Variants in PDE4B observed in about 807,000 individuals in gnomAD.
PDE4B encodes phosphodiesterase 4B, also known as 3',5'-cyclic-AMP phosphodiesterase 4B.
Under a neutral mutation model 82.2 loss-of-function variants are expected in PDE4B, and 20 were observed. The ratio of observed to expected loss-of-function variants is 0.24; its 90% CI spans 0.17 to 0.35. PDE4B has a LOEUF of 0.35. Ranked by LOEUF, PDE4B falls within the 10% of genes least tolerant of loss-of-function variation. The pLI is 1.00. For missense variants in PDE4B, 655 were observed against 907.2 expected, an observed-to-expected ratio of 0.72 and a Z score of 3.57; for synonymous variants, 320 against 318.9, an observed-to-expected ratio of 1.00 and a Z score of -0.04.
At chr1:65,970,719 A>G (rs1256970072) in intron 3 of PDE4B, among the ~76,000 whole-genome samples, 1 of 152,128 alleles carries the variant, frequency 6.6e-6, no homozygotes, top group Admixed American at 6.6e-5. Flanking sequence ...TGGAAGTGAC[A>G]TTCGATTAGG....
At chr1:66,311,411 C>G (rs1213508505) in intron 7 of PDE4B, among the ~76,000 whole-genome samples, 2 of 152,244 alleles carry the variant, frequency 1.3e-5, no homozygotes, top group Non-Finnish European at 2.9e-5. Flanking sequence ...TTCACTGTCT[C>G]CCTTATTTTA....
At chr1:66,101,594 A>G (rs1306253771) in intron 3 of PDE4B, among the ~76,000 whole-genome samples, 2 of 152,002 alleles carry the variant, frequency 1.3e-5, no homozygotes, top group Admixed American at 6.6e-5. Flanking sequence ...GATGATGAGC[A>G]TTTTTTCATG....
intron 7 of PDE4B, among the ~76,000 whole-genome samples, chr1:66,278,710 G>A (rs775585166): frequency 2.0e-5 from 3 of 152,142 alleles, no homozygotes; most frequent in Admixed American, 1.3e-4. Context: ...TTGTAAGCTC[G>A]GAAGTCTTTT....
At chr1:66,363,075 T>C in intron 10 of PDE4B, 93 bp from the exon 11 acceptor site, 1 of 823,808 alleles carries the variant, frequency 1.2e-6, no homozygotes, top group Non-Finnish European at 2.0e-6. Context: ...TCTAAAGACT[T>C]AAACAGCCAA....
At chr1:66,162,402 C>A (rs1646635572) in intron 3 of PDE4B, among the ~76,000 whole-genome samples, 1 of 126,998 alleles carries the variant, frequency 7.9e-6, no homozygotes, top group African/African-American at 2.9e-5. Flanking sequence ...AGAGTCAATT[C>A]CATACTCCTG....
chr1:65,962,652 G>A (rs1297979330), intron 3 of PDE4B, among the ~76,000 whole-genome samples: 2 of 152,124 alleles, frequency 1.3e-5, no homozygotes, highest in Admixed American at 6.6e-5. Flanking sequence ...AGAGAAAAAT[G>A]GAACAAGTAC....
At chr1:66,266,227 T>C in intron 7 of PDE4B, 140 bp downstream of exon 7, 1 of 703,478 alleles carries the variant, frequency 1.4e-6, no homozygotes, top group Non-Finnish European at 2.6e-6. Flanking sequence ...GACTTTTTTC[T>C]AAGGTACACT....
chr1:65,838,442 ATCTTT>A (rs1358967749), intron 1 of PDE4B, among the ~76,000 whole-genome samples: 1 of 147,968 alleles, frequency 6.8e-6, no homozygotes, highest in Non-Finnish European at 1.5e-5. Context: ...GATCTAATTA[ATCTTT>A]TCTTCTTCCT....
intron 4 of PDE4B, among the ~76,000 whole-genome samples, chr1:66,253,728 GT>G (rs1653967679): frequency 6.6e-6 from 1 of 152,146 alleles, no homozygotes; most frequent in South Asian, 2.1e-4. Context: ...TCTAAGAGAA[GT>G]TTTTTGTTTT....
At chr1:65,817,329 G>T (rs78807048) in intron 1 of PDE4B, among the ~76,000 whole-genome samples, 5 of 152,146 alleles carry the variant, frequency 3.3e-5, no homozygotes, top group African/African-American at 4.8e-5. Flanking sequence ...TTCATTGGTG[G>T]CAGGGTAATG....
At chr1:65,976,645 G>A (rs1017977722) in intron 3 of PDE4B, among the ~76,000 whole-genome samples, 1 of 152,068 alleles carries the variant, frequency 6.6e-6, no homozygotes, top group Non-Finnish European at 1.5e-5. Context: ...GATTATGGGG[G>A]CAGATTTCCC....
chr1:66,097,803 G>A (rs562882544), intron 3 of PDE4B, among the ~76,000 whole-genome samples: 8 of 147,228 alleles, frequency 5.4e-5, no homozygotes, highest in South Asian at 2.1e-4. Context: ...TATTGTCCTC[G>A]TTTTTCTATC....
intron 3 of PDE4B, among the ~76,000 whole-genome samples, chr1:66,083,021 A>G (rs1656820940): frequency 6.6e-6 from 1 of 152,116 alleles, no homozygotes; most frequent in Non-Finnish European, 1.5e-5. Context: ...TATTTTCTTC[A>G]AAGTATTTCA....
At chr1:65,896,302 TC>T (rs963823042) in intron 1 of PDE4B, among the ~76,000 whole-genome samples, 24 of 152,196 alleles carry the variant, frequency 1.6e-4, no homozygotes, top group African/African-American at 5.8e-4. Context: ...GTAAGGGAAC[TC>T]CCCTTTATAA....
intron 1 of PDE4B, among the ~76,000 whole-genome samples, chr1:65,853,181 C>G (rs376961238): frequency 6.6e-6 from 1 of 151,902 alleles, no homozygotes; most frequent in African/African-American, 2.4e-5. Context: ...TCTACCTTAT[C>G]TAATGTTAAA....
intron 1 of PDE4B, among the ~76,000 whole-genome samples, chr1:65,838,854 A>T (rs1312854984): frequency 6.6e-6 from 1 of 152,016 alleles, no homozygotes; most frequent in Admixed American, 6.6e-5. Context: ...AATTATTCTT[A>T]CTGATTCATA....
At chr1:65,831,845 G>A (rs1277030821) in intron 1 of PDE4B, among the ~76,000 whole-genome samples, 1 of 152,034 alleles carries the variant, frequency 6.6e-6, no homozygotes, top group African/African-American at 2.4e-5. Flanking sequence ...CTAAATGAAA[G>A]CAAAAATGTC....
At chr1:66,026,615 A>G (rs1056996196) in intron 3 of PDE4B, among the ~76,000 whole-genome samples, 1 of 152,246 alleles carries the variant, frequency 6.6e-6, no homozygotes, top group Non-Finnish European at 1.5e-5. Context: ...AAAAGTTCTG[A>G]GGACTAGCAC....
intron 3 of PDE4B, among the ~76,000 whole-genome samples, chr1:66,080,602 G>A (rs1319631801): frequency 2.0e-5 from 3 of 152,062 alleles, no homozygotes; most frequent in Non-Finnish European, 4.4e-5. Context: ...GCATGTCTTC[G>A]CCAGTGTGTC....
Sources: allele counts gnomAD v4.1 joint callset (sites outside exome capture counted in the v4.1 genomes callset), GRCh38; gene constraint gnomAD v4.1.1; transcripts MANE v1.5; gene names NCBI Gene and HGNC (gene_info 2026-07-23, HGNC 2026-07-21).